Variants in FRMD4A observed in about 807,000 individuals in gnomAD.
The protein encoded by FRMD4A is FERM domain-containing protein 4A.
FRMD4A carries 29 observed loss-of-function variants against 129.1 expected under a neutral mutation model. That is an observed-to-expected ratio of 0.22 (90% confidence interval 0.17 to 0.31). The LOEUF (loss-of-function observed/expected upper bound fraction) is 0.31, where lower values mean the gene tolerates loss of function less well. FRMD4A is among the 10% of genes least tolerant of loss of function. The probability of loss-of-function intolerance (pLI) is 1.00; values close to 1 mark genes in which losing one functional copy is unlikely to be tolerated. For missense variants in FRMD4A, 1,272 were observed against 1,375.8 expected, an observed-to-expected ratio of 0.92 and a Z score of 1.19; for synonymous variants, 634 against 571.6, an observed-to-expected ratio of 1.11 and a Z score of -1.56.
chr10:14,036,213 C>T (rs928903764), intron 2 of FRMD4A, among the ~76,000 whole-genome samples: 13 of 152,152 alleles, frequency 8.5e-5, no homozygotes, highest in Admixed American at 2.0e-4. Context: ...GTGGTGACCT[C>T]GGAATCCTTG....
At chr10:13,675,870 G>A (rs1392825161) in intron 15 of FRMD4A, 1 of 151,810 alleles carries the variant, frequency 6.6e-6, no homozygotes, top group Non-Finnish European at 1.5e-5. Context: ...TTTTCTTTTG[G>A]CCTTTTTTCT....
intron 6 of FRMD4A, among the ~76,000 whole-genome samples, chr10:13,776,411 G>A (rs1252006472): frequency 5.9e-5 from 9 of 152,124 alleles, no homozygotes; most frequent in Admixed American, 2.6e-4. Flanking sequence ...GTGCCTGGCC[G>A]TCTTCATCCA....
intron 12 of FRMD4A, among the ~76,000 whole-genome samples, chr10:13,721,437 G>A (rs1347091557): frequency 1.3e-5 from 2 of 152,068 alleles, no homozygotes; most frequent in African/African-American, 2.4e-5. Context: ...AGCCGAGATT[G>A]CGCCACTGCA....
chr10:14,185,547 T>G (rs780716646), intron 2 of FRMD4A, among the ~76,000 whole-genome samples: 2 of 152,154 alleles, frequency 1.3e-5, no homozygotes, highest in Non-Finnish European at 2.9e-5. Flanking sequence ...ACTTGAAACA[T>G]AAAGCAAGAC....
intron 17 of FRMD4A, among the ~76,000 whole-genome samples, 155 bp downstream of exon 17, chr10:13,670,251 A>G (rs1326532350): frequency 6.6e-6 from 1 of 152,200 alleles, no homozygotes; most frequent in African/African-American, 2.4e-5. Flanking sequence ...GGGGAACCAC[A>G]TACTGACCGG....
chr10:14,064,870 G>T (rs547902033), intron 2 of FRMD4A, among the ~76,000 whole-genome samples: 1 of 152,114 alleles, frequency 6.6e-6, no homozygotes, highest in South Asian at 2.1e-4. Flanking sequence ...GAGCCACCGC[G>T]CCCAGCCCTC....
chr10:14,051,763 C>T (rs369266961), intron 2 of FRMD4A, among the ~76,000 whole-genome samples: 31 of 152,154 alleles, frequency 2.0e-4, no homozygotes, highest in African/African-American at 5.8e-4. Flanking sequence ...CATGGCACCT[C>T]GGCAGCCTAT....
chr10:14,106,247 T>C (rs1301061951), intron 2 of FRMD4A, among the ~76,000 whole-genome samples: 2 of 152,208 alleles, frequency 1.3e-5, no homozygotes, highest in African/African-American at 4.8e-5. Flanking sequence ...TTTATCCTAA[T>C]TTGGGATCAA....
chr10:13,738,376 T>C (rs1276997119), intron 11 of FRMD4A, among the ~76,000 whole-genome samples: 1 of 152,188 alleles, frequency 6.6e-6, no homozygotes, highest in African/African-American at 2.4e-5. Context: ...CCAGAGGAGC[T>C]GTGGAGACTA....
intron 2 of FRMD4A, among the ~76,000 whole-genome samples, chr10:14,100,940 G>C (rs1383369269): frequency 1.3e-5 from 2 of 152,222 alleles, no homozygotes; most frequent in South Asian, 2.1e-4. Flanking sequence ...GCATCTCAGA[G>C]CCCAAGCTTT....
intron 3 of FRMD4A, among the ~76,000 whole-genome samples, chr10:13,852,081 T>C (rs1358889549): frequency 2.6e-5 from 4 of 151,860 alleles, no homozygotes. Flanking sequence ...ATAAATGTAA[T>C]ATGCTTGAAT....
chr10:14,131,627 C>T (rs964644626), intron 2 of FRMD4A, among the ~76,000 whole-genome samples: 4 of 152,198 alleles, frequency 2.6e-5, no homozygotes, highest in African/African-American at 9.7e-5. Context: ...GCTTCTGATC[C>T]ACTTGTCAGT....
chr10:13,676,626 A>G (rs1475833953), intron 15 of FRMD4A, among the ~76,000 whole-genome samples: 1 of 152,174 alleles, frequency 6.6e-6, no homozygotes, highest in Non-Finnish European at 1.5e-5. Flanking sequence ...TTAGAAACGG[A>G]CAGGTGTTAG....
rs1564971568 is a variant in FRMD4A at position 13,884,196 on chromosome 10, T to TCA, written c.46-25286_46-25285dup. Among the ~76,000 whole-genome samples the TCA allele has an allele frequency of 7.3e-4, 79 of 108,576 alleles. 2 individuals carry two copies. Among genetic ancestry groups the TCA allele is most frequent in the African/African-American group, 2.5e-3 (71 of 27,882 alleles). 71.2% of individuals were successfully genotyped at this position (108,576 alleles called of 152,430 possible). A position where few individuals can be genotyped will look rare whatever the true frequency, so the allele number is the denominator to read the frequency against. ...CACACTCACACACACACACACACAC[T>TCA]CACACACACACTCACACACACACAC... On this transcript the variant is annotated intron_variant, in intron 2 of 24. Transcript: ENST00000357447.
Position 13,865,506 on chromosome 10 carries a change from G to A in FRMD4A, c.46-6594C>T, listed in dbSNP as rs542302093. Among the ~76,000 whole-genome samples the A allele has an allele frequency of 1.2e-4, 17 of 145,250 alleles. No individual in the cohort carries two copies. In the South Asian group the frequency reaches 2.0e-3, roughly 17 times the overall value. ...TGCTCTGTCTCCTAGGCTGGAGTGC[G>A]TTGGTGCTATCATAGCTCACTGCAG... On this transcript the variant is annotated intron_variant, in intron 2 of 24. Transcript: ENST00000357447.
At chr10:13,981,929 C>T (rs1021696295) in intron 2 of FRMD4A, among the ~76,000 whole-genome samples, 9 of 151,948 alleles carry the variant, frequency 5.9e-5, no homozygotes, top group Admixed American at 4.6e-4. Flanking sequence ...GGTTACCTGC[C>T]GGATTATATG....
chr10:14,284,973 T>C (rs996438033), intron 2 of FRMD4A, among the ~76,000 whole-genome samples: 1 of 152,182 alleles, frequency 6.6e-6, no homozygotes, highest in African/African-American at 2.4e-5. Context: ...TAGGATATAT[T>C]TGATACCCAG....
chr10:14,235,979 T>C (rs7914752), intron 2 of FRMD4A, among the ~76,000 whole-genome samples: 141,637 of 152,268 alleles, frequency 0.93, 66,299 homozygotes, highest in East Asian at 1. Flanking sequence ...GTGTCTAAGT[T>C]TCACTAAATC....
At chr10:13,772,022 C>T (rs2092469136) in intron 6 of FRMD4A, among the ~76,000 whole-genome samples, 1 of 151,208 alleles carries the variant, frequency 6.6e-6, no homozygotes, top group Non-Finnish European at 1.5e-5. Flanking sequence ...GAGGCTGAGG[C>T]AAGAGAATTG....
Sources: gnomAD v4.1 joint callset for allele counts (sites outside exome capture counted in the v4.1 genomes callset) on GRCh38, gnomAD v4.1.1 for gene constraint, MANE v1.5 for transcripts, NCBI Gene and HGNC (gene_info 2026-07-23, HGNC 2026-07-21) for gene names.